The following TAF1B variants were observed in gnomAD, a reference collection of about 807,000 sequenced individuals.
The protein encoded by TAF1B is TATA-box binding protein associated factor, RNA polymerase I subunit B.
A neutral mutation model predicts 83.9 loss-of-function variants in TAF1B; 61 were observed. The ratio of observed to expected loss-of-function variants is 0.73; its 90% CI spans 0.59 to 0.90. TAF1B has a LOEUF of 0.90. Ranked by LOEUF, TAF1B falls within the 40% of genes least tolerant of loss-of-function variation. The pLI is 0.00. For synonymous variants in TAF1B, 221 were observed against 224.6 expected (o/e 0.98, Z 0.14); for missense variants, 625 against 677.0 (o/e 0.92, Z 0.85).
intron 8 of TAF1B, among the ~76,000 whole-genome samples, chr2:9,883,590 G>A (rs1664576092): frequency 6.6e-6 from 1 of 152,164 alleles, no homozygotes; most frequent in South Asian, 2.1e-4. Context: ...CAGACATAAA[G>A]TGAATTTGCA....
intron 9 of TAF1B, among the ~76,000 whole-genome samples, chr2:9,906,296 C>T (rs976393978): frequency 6.6e-6 from 1 of 152,158 alleles, no homozygotes. Context: ...TCTTGCCTAA[C>T]ATTTCCTGTG....
chr2:9,930,091 C>T (rs184140295), intron 14 of TAF1B, among the ~76,000 whole-genome samples: 11 of 152,088 alleles, frequency 7.2e-5, no homozygotes, highest in East Asian at 1.9e-4. Context: ...GTCTTGCTAG[C>T]GGTCTATCAA....
chr2:9,843,653 G>T, intron 1 of TAF1B, 94 bp downstream of exon 1: 1 of 1,339,860 alleles, frequency 7.5e-7, no homozygotes, highest in Admixed American at 3.1e-5. Flanking sequence ...GGGTTGGGGC[G>T]GCGACGCCAC....
chr2:9,933,748 C>T (rs1666288965), intron 14 of TAF1B, 35 bp from the exon 15 acceptor site: 1 of 1,553,068 alleles, frequency 6.4e-7, no homozygotes, highest in Non-Finnish European at 8.8e-7. Context: ...TGGTTACCAT[C>T]TAAAGATAAA....
chr2:9,874,440 GT>G (rs1664260428), intron 6 of TAF1B, among the ~76,000 whole-genome samples: 1 of 151,726 alleles, frequency 6.6e-6, no homozygotes, highest in East Asian at 1.9e-4. Context: ...TCTGTCAAAT[GT>G]AATTTTTTTT....
chr2:9,878,262 G>GC (rs925802710), intron 7 of TAF1B, among the ~76,000 whole-genome samples: 27 of 148,800 alleles, frequency 1.8e-4, no homozygotes, highest in African/African-American at 6.5e-4. Context: ...TTTTCGTAGA[G>GC]CTGGGGTCTT....
At chr2:9,883,532 C>G (rs1214363501) in intron 8 of TAF1B, among the ~76,000 whole-genome samples, 1 of 152,154 alleles carries the variant, frequency 6.6e-6, no homozygotes, top group Non-Finnish European at 1.5e-5. Context: ...TGATGTTCAA[C>G]TTAATGTTGA....
intron 14 of TAF1B, among the ~76,000 whole-genome samples, chr2:9,926,429 T>C (rs977618342): frequency 6.6e-6 from 1 of 152,324 alleles, no homozygotes; most frequent in South Asian, 2.1e-4. Context: ...ATCCTGGTCA[T>C]GTGTCCCATA....
At chr2:9,883,104 A>AT (rs1216342451) in intron 8 of TAF1B, among the ~76,000 whole-genome samples, 3 of 152,304 alleles carry the variant, frequency 2.0e-5, no homozygotes, top group Admixed American at 6.5e-5. Context: ...GGTAATTTCA[A>AT]TTTTTTAAAA....
At chr2:9,885,588 C>T (rs1436705603) in intron 8 of TAF1B, among the ~76,000 whole-genome samples, 2 of 152,158 alleles carry the variant, frequency 1.3e-5, no homozygotes, top group African/African-American at 4.8e-5. Context: ...ACGTTTGGTT[C>T]CCTCATTCTA....
chr2:9,843,684 G>A, intron 1 of TAF1B, 125 bp downstream of exon 1: 1 of 1,149,794 alleles, frequency 8.7e-7, no homozygotes, highest in Non-Finnish European at 1.2e-6. Flanking sequence ...AAGGCGGGGC[G>A]GAGGGCTGCA....
Position 9,919,118 on chromosome 2 carries a change from C to A in TAF1B, c.1342+7C>A. 1 of 1,613,210 alleles carries A rather than the reference C, an allele frequency of 6.2e-7. No homozygotes were observed. Among genetic ancestry groups the A allele is most frequent in the South Asian group, 1.1e-5 (1 of 90,992 alleles). On this transcript the variant is annotated splice_region_variant and intron_variant, in intron 13 of 14. Transcript: ENST00000263663. ...GTAGCATATAAAAAAAGAGGTAAGT[C>A]AAATTTTGTCTTTTTAATACCAAGT...
chr2:9,887,126 A>G (rs1482674487), intron 8 of TAF1B, among the ~76,000 whole-genome samples: 1 of 152,166 alleles, frequency 6.6e-6, no homozygotes, highest in East Asian at 1.9e-4. Flanking sequence ...CTACAACTAT[A>G]ATAGTCGCAT....
At chr2:9,867,086 TA>T (rs1558239175) in intron 5 of TAF1B, among the ~76,000 whole-genome samples, 1 of 152,134 alleles carries the variant, frequency 6.6e-6, no homozygotes, top group Non-Finnish European at 1.5e-5. Flanking sequence ...TAAAGTATAA[TA>T]AAAAAATTTT....
At chr2:9,865,880 C>T (rs1451409849) in intron 5 of TAF1B, among the ~76,000 whole-genome samples, 1 of 150,862 alleles carries the variant, frequency 6.6e-6, no homozygotes, top group East Asian at 1.9e-4. Context: ...ACTGGCTAGC[C>T]ATATGTAGAA....
chr2:9,861,609 A>G (rs889434289), intron 5 of TAF1B, among the ~76,000 whole-genome samples: 1 of 152,226 alleles, frequency 6.6e-6, no homozygotes, highest in East Asian at 1.9e-4. Context: ...TGGTTCTCCC[A>G]CCATGCAGCT....
At chr2:9,857,529 G>T (rs1339681271) in intron 5 of TAF1B, among the ~76,000 whole-genome samples, 1 of 152,108 alleles carries the variant, frequency 6.6e-6, no homozygotes, top group Non-Finnish European at 1.5e-5. Context: ...TTCCATTTTG[G>T]ACATGTTAAG....
chr2:9,849,853 ATAAT>A (rs1663329683), intron 3 of TAF1B, among the ~76,000 whole-genome samples: 1 of 152,054 alleles, frequency 6.6e-6, no homozygotes, highest in African/African-American at 2.4e-5. Flanking sequence ...GTGAGTACAT[ATAAT>A]TAACCATTGT....
intron 4 of TAF1B, 34 bp from the exon 5 acceptor site, chr2:9,854,292 G>T (rs374456324): frequency 1.7e-5 from 26 of 1,512,882 alleles, no homozygotes; most frequent in Non-Finnish European, 1.5e-5. Context: ...GTCATAACCT[G>T]AATCACCCAC....
Sources: gnomAD v4.1 joint callset for allele counts (sites outside exome capture counted in the v4.1 genomes callset) on GRCh38, gnomAD v4.1.1 for gene constraint, MANE v1.5 for transcripts, NCBI Gene and HGNC (gene_info 2026-07-23, HGNC 2026-07-21) for gene names.